TUSC3: variants seen among roughly 807,000 people sequenced by gnomAD.
TUSC3 encodes dolichyl-diphosphooligosaccharide--protein glycosyltransferase subunit TUSC3.
In TUSC3, 45 loss-of-function variants were observed where a neutral mutation model predicts 44.8. The ratio of observed to expected loss-of-function variants is 1.00; its 90% CI spans 0.79 to 1.29. TUSC3 has a LOEUF of 1.29. Among genes scored for constraint, TUSC3 ranks in the 50% most tolerant of loss-of-function variants. TUSC3 has a pLI of 0.00. For synonymous variants in TUSC3, 212 were observed against 152.9 expected, an observed-to-expected ratio of 1.39 and a Z score of -2.85; for missense variants, 519 against 437.9, an observed-to-expected ratio of 1.19 and a Z score of -1.65.
intron 6 of TUSC3, among the ~76,000 whole-genome samples, chr8:15,719,091 C>T (rs1381042868): frequency 6.6e-6 from 1 of 152,178 alleles, no homozygotes; most frequent in African/African-American, 2.4e-5. Context: ...TCCCTGGTCT[C>T]CTTGCTTCTA....
intron 7 of TUSC3, among the ~76,000 whole-genome samples, chr8:15,743,275 G>A (rs554342235): frequency 2.0e-5 from 3 of 152,280 alleles, no homozygotes; most frequent in Admixed American, 2.0e-4. Context: ...GTTTATATGT[G>A]CTGTGAAAAT....
intron 1 of TUSC3, among the ~76,000 whole-genome samples, chr8:15,425,423 T>C (rs909776313): frequency 6.6e-6 from 1 of 152,188 alleles, no homozygotes; most frequent in Non-Finnish European, 1.5e-5. Context: ...CATAATCCTA[T>C]GATGAAAATT....
At chr8:15,504,578 G>GATAGATATAT (rs1394077770) in intron 2 of TUSC3, among the ~76,000 whole-genome samples, 1 of 33,464 alleles carries the variant, frequency 3.0e-5, no homozygotes, top group Non-Finnish European at 5.6e-5. Flanking sequence ...CAACTTTCAG[G>GATAGATATAT]ATATATATAT....
At chr8:15,481,279 T>C (rs1483414586) in intron 1 of TUSC3, among the ~76,000 whole-genome samples, 1 of 149,968 alleles carries the variant, frequency 6.7e-6, no homozygotes, top group African/African-American at 2.5e-5. Flanking sequence ...GTGGGGTCTT[T>C]AAGAGGTGAT....
intron 1 of TUSC3, among the ~76,000 whole-genome samples, chr8:15,552,541 G>A (rs2129137018): frequency 6.6e-6 from 1 of 151,836 alleles, no homozygotes; most frequent in Non-Finnish European, 1.5e-5. Flanking sequence ...AAATAACCCA[G>A]TGAAGAGGGC....
intron 3 of TUSC3, among the ~76,000 whole-genome samples, chr8:15,655,406 C>T (rs1022070131): frequency 3.3e-5 from 5 of 152,208 alleles, no homozygotes; most frequent in Admixed American, 2.6e-4. Flanking sequence ...ACTGTGCATA[C>T]GGCCCCTCCC....
the TUSC3 span, among the ~76,000 whole-genome samples, chr8:15,832,709 G>C: frequency 1.3e-5 from 2 of 152,196 alleles, no homozygotes; most frequent in Admixed American, 1.3e-4. Context: ...AAGGGTAAAG[G>C]GTTCAATTCA....
rs1451396996 is a variant in TUSC3 at position 15,633,515 on chromosome 8, A to C, written c.308+10266A>C. ...GGATAGTTGTAGATGTAATTAGTTA[A>C]GATGAGGTGATACTCAGGCAGGGCA... On this transcript the variant is annotated intron_variant, in intron 2 of 10. Transcript: ENST00000503731. Among the ~76,000 whole-genome samples, 4 of 152,232 alleles carry C rather than the reference A, an allele frequency of 2.6e-5. No individual in the cohort carries two copies. In the East Asian group the frequency reaches 5.8e-4, roughly 22 times the overall value.
downstream of TUSC3, among the ~76,000 whole-genome samples, chr8:15,771,553 G>T (rs1171225548): frequency 6.6e-6 from 1 of 152,110 alleles, no homozygotes; most frequent in African/African-American, 2.4e-5. Flanking sequence ...GCATAATACA[G>T]TAACTAAATC....
In TUSC3 at chr8:15,641,832, AG is replaced by A. The variant is rs1806387070; in HGVS notation, c.309-8864del. ...TACATTGTTTGGAAGTCATGATAAA[AG>A]TATTATGGTTATTTTATATGTATCT... On this transcript the variant is annotated intron_variant, in intron 2 of 10. Transcript: ENST00000503731. Among the ~76,000 whole-genome samples, 3 of 152,342 alleles carry A rather than the reference AG, an allele frequency of 2.0e-5. No homozygotes were observed. In the South Asian group the frequency reaches 6.2e-4, roughly 32 times the overall value.
At chr8:15,704,722 C>G (rs1413127485) in intron 6 of TUSC3, among the ~76,000 whole-genome samples, 1 of 151,784 alleles carries the variant, frequency 6.6e-6, no homozygotes, top group Non-Finnish European at 1.5e-5. Flanking sequence ...TTTTTCCTTT[C>G]TGCAGCAGAT....
intron 1 of TUSC3, among the ~76,000 whole-genome samples, chr8:15,459,875 T>TATAC (rs139425502): frequency 0.072 from 10,725 of 148,196 alleles, 432 homozygotes; most frequent in East Asian, 0.13. Context: ...TGTGTGTGTG[T>TATAC]ATACATACAT....
intron 1 of TUSC3, among the ~76,000 whole-genome samples, chr8:15,555,353 G>A (rs1039609543): frequency 1.5e-5 from 2 of 135,254 alleles, no homozygotes; most frequent in Admixed American, 1.6e-4. Context: ...GGAGTGCAGT[G>A]CTGGGGGATC....
chr8:15,691,922 A>T (rs1284993668), intron 6 of TUSC3, among the ~76,000 whole-genome samples: 7 of 152,114 alleles, frequency 4.6e-5, no homozygotes, highest in African/African-American at 7.2e-5. Flanking sequence ...CTGGGATTAC[A>T]GGTGCTTGCC....
intron 1 of TUSC3, among the ~76,000 whole-genome samples, chr8:15,555,905 T>C (rs1283705916): frequency 6.6e-6 from 1 of 151,608 alleles, no homozygotes; most frequent in African/African-American, 2.4e-5. Flanking sequence ...TATAGTTCTC[T>C]GATAAAAATA....
At chr8:15,610,275 T>A (rs1804703838) in intron 1 of TUSC3, among the ~76,000 whole-genome samples, 2 of 152,120 alleles carry the variant, frequency 1.3e-5, no homozygotes, top group African/African-American at 4.8e-5. Context: ...AAATGCAAAA[T>A]ATTTCAGTAT....
At chr8:15,462,255 A>T (rs1186040387) in intron 1 of TUSC3, among the ~76,000 whole-genome samples, 1 of 152,126 alleles carries the variant, frequency 6.6e-6, no homozygotes, top group Non-Finnish European at 1.5e-5. Flanking sequence ...GAGAATTTTG[A>T]CGAATTATTT....
At chr8:15,764,004 C>G (rs1585316491) in intron 10 of TUSC3, among the ~76,000 whole-genome samples, 199 bp from the exon 11 acceptor site, 1 of 152,040 alleles carries the variant, frequency 6.6e-6, no homozygotes. Flanking sequence ...CACCCTGACC[C>G]TGTTCCCAAC....
intron 2 of TUSC3, among the ~76,000 whole-genome samples, chr8:15,632,901 A>G (rs899784359): frequency 2.0e-5 from 3 of 152,274 alleles, no homozygotes; most frequent in South Asian, 4.1e-4. Flanking sequence ...CTGGTACAAG[A>G]TATTCTAAGC....
Sources: gnomAD v4.1 joint callset for allele counts (sites outside exome capture counted in the v4.1 genomes callset) on GRCh38, gnomAD v4.1.1 for gene constraint, MANE v1.5 for transcripts, NCBI Gene and HGNC (gene_info 2026-07-23, HGNC 2026-07-21) for gene names.